Variants in TMTC1 observed in about 807,000 individuals in gnomAD.
TMTC1 encodes the protein protein O-mannosyl-transferase TMTC1.
Under a neutral mutation model 104.8 loss-of-function variants are expected in TMTC1, and 73 were observed. That is an observed-to-expected ratio of 0.70 (90% confidence interval 0.58 to 0.85). The LOEUF (loss-of-function observed/expected upper bound fraction) is 0.85, where lower values mean the gene tolerates loss of function less well. Ranked by LOEUF, TMTC1 falls within the 40% of genes least tolerant of loss-of-function variation. The pLI, the probability that TMTC1 is intolerant of heterozygous loss-of-function variation, is 0.00. For synonymous variants in TMTC1, 434 were observed against 428.7 expected, an observed-to-expected ratio of 1.01 and a Z score of -0.15; for missense variants, 1,035 against 1,096.1, an observed-to-expected ratio of 0.94 and a Z score of 0.79.
chr12:29,718,198 C>T (rs1565791257), intron 5 of TMTC1, among the ~76,000 whole-genome samples: 1 of 152,122 alleles, frequency 6.6e-6, no homozygotes, highest in Non-Finnish European at 1.5e-5. Flanking sequence ...CAAAAGCAGG[C>T]AGAAACCAGA....
At chr12:29,586,402 C>G (rs946274621) in intron 7 of TMTC1, among the ~76,000 whole-genome samples, 1 of 152,208 alleles carries the variant, frequency 6.6e-6, no homozygotes, top group African/African-American at 2.4e-5. Context: ...TTGACTTCCT[C>G]TTTTCCTAAT....
chr12:29,772,577 C>A (rs995286172), intron 1 of TMTC1, among the ~76,000 whole-genome samples: 1 of 152,280 alleles, frequency 6.6e-6, no homozygotes, highest in African/African-American at 2.4e-5. Flanking sequence ...CAGCCTGACC[C>A]TTTTAGCAAT....
chr12:29,525,919 T>C (rs1172131107), intron 11 of TMTC1, among the ~76,000 whole-genome samples: 1 of 152,254 alleles, frequency 6.6e-6, no homozygotes, highest in Admixed American at 6.5e-5. Flanking sequence ...TTTCTAGGAA[T>C]GTCCCATGAG....
At chr12:29,541,028 G>C (rs1944783526) in intron 10 of TMTC1, among the ~76,000 whole-genome samples, 1 of 151,758 alleles carries the variant, frequency 6.6e-6, no homozygotes, top group African/African-American at 2.4e-5. Flanking sequence ...CAAACAAAAA[G>C]CCATAGTTTT....
intron 8 of TMTC1, among the ~76,000 whole-genome samples, chr12:29,575,393 TCAG>T: frequency 6.6e-6 from 1 of 151,552 alleles, no homozygotes; most frequent in Non-Finnish European, 1.5e-5. Context: ...AATTTCAAGG[TCAG>T]ATTAAGAGGA....
intron 5 of TMTC1, among the ~76,000 whole-genome samples, chr12:29,694,118 A>ATC (rs370474593): frequency 1.3e-5 from 2 of 151,676 alleles, no homozygotes; most frequent in Admixed American, 6.6e-5. Context: ...CCCATTTGTT[A>ATC]TCTCTCTCTC....
At chr12:29,510,154 C>T (rs905611204) in intron 17 of TMTC1, among the ~76,000 whole-genome samples, 4 of 152,184 alleles carry the variant, frequency 2.6e-5, no homozygotes, top group South Asian at 2.1e-4. Context: ...TTTACTACTA[C>T]ACACCTAGAC....
At chr12:29,666,620 G>C (rs922230851) in intron 5 of TMTC1, among the ~76,000 whole-genome samples, 4 of 152,078 alleles carry the variant, frequency 2.6e-5, no homozygotes, top group Non-Finnish European at 5.9e-5. Flanking sequence ...GAATGTGGCA[G>C]CAAGTTGGAA....
chr12:29,508,760 T>C (rs1943757250), intron 17 of TMTC1, among the ~76,000 whole-genome samples: 1 of 152,042 alleles, frequency 6.6e-6, no homozygotes, highest in South Asian at 2.1e-4. Context: ...ATTTTTGTAG[T>C]AGACAAAGGG....
chr12:29,710,126 G>C (rs915318377), intron 5 of TMTC1, among the ~76,000 whole-genome samples: 2 of 152,054 alleles, frequency 1.3e-5, no homozygotes, highest in South Asian at 2.1e-4. Context: ...GTCTATTTCT[G>C]TTTTCTCGTT....
intron 17 of TMTC1, among the ~76,000 whole-genome samples, chr12:29,511,813 A>C (rs972942478): frequency 5.3e-5 from 8 of 152,232 alleles, no homozygotes; most frequent in Non-Finnish European, 8.8e-5. Context: ...AAATCATAAA[A>C]TCTAATTTAT....
intron 5 of TMTC1, among the ~76,000 whole-genome samples, chr12:29,639,321 G>A (rs777945184): frequency 6.6e-6 from 1 of 152,168 alleles, no homozygotes; most frequent in Non-Finnish European, 1.5e-5. Context: ...AATTTAAGTA[G>A]GTGGAGAGAT....
intron 10 of TMTC1, among the ~76,000 whole-genome samples, chr12:29,553,483 C>T (rs151131629): frequency 6.6e-6 from 1 of 152,066 alleles, no homozygotes; most frequent in East Asian, 1.9e-4. Flanking sequence ...AGGAGGTAAA[C>T]AAGGATAACT....
chr12:29,698,711 G>T (rs1941496435), intron 5 of TMTC1, among the ~76,000 whole-genome samples: 1 of 152,162 alleles, frequency 6.6e-6, no homozygotes, highest in Admixed American at 6.5e-5. Context: ...TATTAATCAT[G>T]ACTATATAAT....
In TMTC1 at chr12:29,582,446, T is replaced by C. The variant is rs980673065; in HGVS notation, c.1418+961A>G. The stretch of plus-strand genomic sequence containing the variant: ...TTGCTAGGGACAAGGGGCAGGCATG[T>C]GACTAATCTTAAGTTCAGCCAAAAA... On this transcript the variant is annotated intron_variant, in intron 8 of 17. Coordinates refer to ENST00000539277, the MANE Select transcript of TMTC1 (RefSeq NM_001193451.2). Among the ~76,000 whole-genome samples, 6 of 152,228 alleles carry C rather than the reference T, an allele frequency of 3.9e-5. No individual in the cohort carries two copies. In the East Asian group the frequency reaches 9.6e-4, roughly 24 times the overall value.
intron 5 of TMTC1, among the ~76,000 whole-genome samples, chr12:29,716,710 G>T (rs1942092146): frequency 6.6e-6 from 1 of 152,146 alleles, no homozygotes; most frequent in African/African-American, 2.4e-5. Flanking sequence ...AATGGAAAAA[G>T]AATAATATAA....
chr12:29,545,299 T>C (rs1387163401), intron 10 of TMTC1, among the ~76,000 whole-genome samples: 1 of 152,196 alleles, frequency 6.6e-6, no homozygotes, highest in African/African-American at 2.4e-5. Context: ...CCACAGATTC[T>C]TGCAGCTGGA....
Position 29,536,367 on chromosome 12 carries a change from T to C in TMTC1, c.1677-50A>G, listed in dbSNP as rs137938007. 63 of 1,167,512 alleles carry C rather than the reference T, an allele frequency of 5.4e-5. No homozygotes were observed. In the African/African-American group the frequency reaches 8.2e-4, roughly 15 times the overall value. The allele number at this position is 1,167,512 out of a possible 1,614,324, so 72.3% of individuals were successfully genotyped here. A position where few individuals can be genotyped will look rare whatever the true frequency, so the allele number is the denominator to read the frequency against. ...GGGAGAACATCTTTTAATAACACTT[T>C]GTTTCAATCCTCTGATTAGACTCTA... On this transcript the variant is annotated intron_variant, in intron 10 of 17. Transcript: ENST00000539277.
chr12:29,554,178 A>G (rs1945177644), intron 10 of TMTC1, among the ~76,000 whole-genome samples: 1 of 152,214 alleles, frequency 6.6e-6, no homozygotes, highest in Admixed American at 6.5e-5. Context: ...ACGTGCTCAT[A>G]AAAGTAGCAG....
Sources: gnomAD v4.1 joint callset for allele counts (sites outside exome capture counted in the v4.1 genomes callset) on GRCh38, gnomAD v4.1.1 for gene constraint, MANE v1.5 for transcripts, NCBI Gene and HGNC (gene_info 2026-07-23, HGNC 2026-07-21) for gene names.